CACNA2D2: variants seen among roughly 807,000 people sequenced by gnomAD.
CACNA2D2 encodes the protein calcium voltage-gated channel auxiliary subunit alpha2delta 2.
Under a neutral mutation model 166.4 loss-of-function variants are expected in CACNA2D2, and 48 were observed. That is an observed-to-expected ratio of 0.29 (90% CI 0.23 to 0.37). CACNA2D2 has a LOEUF of 0.37. CACNA2D2 is among the 10% of genes least tolerant of loss of function. The pLI, the probability that CACNA2D2 is intolerant of heterozygous loss-of-function variation, is 1.00. For synonymous variants in CACNA2D2, 561 were observed against 573.7 expected, an observed-to-expected ratio of 0.98 and a Z score of 0.32; for missense variants, 1,122 against 1,433.0, an observed-to-expected ratio of 0.78 and a Z score of 3.50.
intron 2 of CACNA2D2, among the ~76,000 whole-genome samples, chr3:50,462,599 G>A (rs959119151): frequency 6.6e-6 from 1 of 151,940 alleles, no homozygotes; most frequent in Non-Finnish European, 1.5e-5. Flanking sequence ...ACAAAAGGGC[G>A]AGGGATGGGC....
chr3:50,461,044 G>C (rs7649603), intron 2 of CACNA2D2, among the ~76,000 whole-genome samples: 14,736 of 148,544 alleles, frequency 0.099, 2,095 homozygotes, highest in African/African-American at 0.32. Flanking sequence ...TGAGAAGGGA[G>C]GAAACAGTCA....
intron 22 of CACNA2D2, among the ~76,000 whole-genome samples, chr3:50,370,630 G>C (rs1166556206): frequency 6.6e-6 from 1 of 152,132 alleles, no homozygotes; most frequent in Non-Finnish European, 1.5e-5. Context: ...GCCCGGGCCT[G>C]GTCCTCTGTC....
chr3:50,387,657 G>C (rs780762676), intron 4 of CACNA2D2, 45 bp from the exon 5 acceptor site: 1 of 1,495,314 alleles, frequency 6.7e-7, no homozygotes, highest in Admixed American at 1.7e-5. Context: ...TCAGGGTCCC[G>C]AGACAGACAG....
intron 6 of CACNA2D2, among the ~76,000 whole-genome samples, chr3:50,382,023 A>ACAC (rs1559894140): frequency 8.6e-4 from 101 of 117,270 alleles, no homozygotes; most frequent in African/African-American, 4.0e-3. Context: ...CACACACACA[A>ACAC]ACAAGGCTCC....
intron 2 of CACNA2D2, among the ~76,000 whole-genome samples, chr3:50,470,024 G>T (rs1709996420): frequency 6.6e-6 from 1 of 152,152 alleles, no homozygotes; most frequent in South Asian, 2.1e-4. Flanking sequence ...CCACAGACCT[G>T]CCCCTCTGTG....
intron 6 of CACNA2D2, 98 bp from the exon 7 acceptor site, chr3:50,381,224 C>T (rs960085822): frequency 7.0e-7 from 1 of 1,423,458 alleles, no homozygotes; most frequent in African/African-American, 1.4e-5. Flanking sequence ...TTTAGAATCC[C>T]CCAACTGTTC....
intron 3 of CACNA2D2, among the ~76,000 whole-genome samples, chr3:50,401,859 C>T (rs749413667): frequency 1.3e-4 from 20 of 152,028 alleles, no homozygotes; most frequent in Non-Finnish European, 2.4e-4. Context: ...CCCACCACCA[C>T]GCTTGGATAA....
At chr3:50,442,436 C>T (rs1246060756) in intron 2 of CACNA2D2, among the ~76,000 whole-genome samples, 1 of 152,218 alleles carries the variant, frequency 6.6e-6, no homozygotes. Flanking sequence ...GCCCCTGCCT[C>T]TGAGCTCCCA....
At chr3:50,386,574 CGTCT>C (rs2106698277) in intron 5 of CACNA2D2, among the ~76,000 whole-genome samples, 1 of 152,338 alleles carries the variant, frequency 6.6e-6, no homozygotes, top group Non-Finnish European at 1.5e-5. Context: ...CACCCCGCTC[CGTCT>C]CGGGCCCTGT....
intron 2 of CACNA2D2, among the ~76,000 whole-genome samples, chr3:50,468,755 C>A (rs1466736450): frequency 1.1e-4 from 16 of 151,982 alleles, no homozygotes; most frequent in Admixed American, 1.0e-3. Context: ...CCATTCCCAA[C>A]GCCAACATCT....
intron 6 of CACNA2D2, 72 bp from the exon 7 acceptor site, chr3:50,381,198 C>G (rs981672793): frequency 1.3e-6 from 2 of 1,534,560 alleles, no homozygotes; most frequent in Non-Finnish European, 1.8e-6. Context: ...CCACGACACT[C>G]ATGCCTGTGC....
intron 2 of CACNA2D2, among the ~76,000 whole-genome samples, chr3:50,453,973 G>A (rs954298785): frequency 2.0e-5 from 3 of 152,072 alleles, no homozygotes; most frequent in Non-Finnish European, 2.9e-5. Flanking sequence ...CCCTGCCCCC[G>A]CCTCACGGAG....
chr3:50,387,490 G>T, intron 5 of CACNA2D2, 78 bp downstream of exon 5: 1 of 1,192,618 alleles, frequency 8.4e-7, no homozygotes, highest in Non-Finnish European at 1.2e-6. Flanking sequence ...AATGTGTGGC[G>T]CTGAGTCCTA....
At chr3:50,378,430 G>C in intron 13 of CACNA2D2, 97 bp from the exon 14 acceptor site, 1 of 1,207,508 alleles carries the variant, frequency 8.3e-7, no homozygotes, top group Non-Finnish European at 1.2e-6. Flanking sequence ...GCCCTGCCTC[G>C]CCTCTTGGGC....
chr3:50,455,691 C>T (rs2106978800), intron 2 of CACNA2D2, among the ~76,000 whole-genome samples: 1 of 152,300 alleles, frequency 6.6e-6, no homozygotes, highest in East Asian at 1.9e-4. Flanking sequence ...TCCCCACAGC[C>T]CCCAGATGGT....
Position 50,380,835 on chromosome 3 carries a change from G to C in CACNA2D2, c.785-30C>G. ...GGGAGGAGAGAAGGTGAGGGGGACTGGCAGGAAAGGGCTGGCCTGGGTAGG... is the reference window on the plus strand; with the variant it reads ...GGGAGGAGAGAAGGTGAGGGGGACTCGCAGGAAAGGGCTGGCCTGGGTAGG... On this transcript the variant is annotated intron_variant, in intron 7 of 37. Transcript: ENST00000424201. The surrounding 1 kb of genome is among the most constrained non-coding windows in gnomAD (Gnocchi z 4.9). 1 of 1,537,386 alleles carries C rather than the reference G, an allele frequency of 6.5e-7. No individual in the cohort carries two copies.
At chr3:50,385,828 G>A (rs779253595) in intron 5 of CACNA2D2, among the ~76,000 whole-genome samples, 14 of 152,226 alleles carry the variant, frequency 9.2e-5, no homozygotes, top group Non-Finnish European at 2.1e-4. Context: ...GGGGAGGCGC[G>A]GGAGAAGAAA....
chr3:50,479,168 T>C (rs60697422), intron 1 of CACNA2D2, among the ~76,000 whole-genome samples: 15,671 of 152,192 alleles, frequency 0.1, 2,370 homozygotes, highest in African/African-American at 0.33. Context: ...TCACTCTCCC[T>C]CCCTCCTTGT....
rs587748827 is a variant in CACNA2D2 at position 50,367,989 on chromosome 3, G to A, written c.2144-87C>T. The A allele has an allele frequency of 5.5e-5, 66 of 1,201,180 alleles. No homozygotes were observed. Among genetic ancestry groups the A allele is most frequent in the Non-Finnish European group, 1.2e-5 (10 of 816,928 alleles). The allele number at this position is 1,201,180 out of a possible 1,614,324, so 74.4% of individuals were successfully genotyped here. On this transcript the variant is annotated intron_variant, in intron 24 of 37. Transcript: ENST00000424201. This position sits in a 1 kb window ranked among gnomAD's most constrained non-coding sequence, Gnocchi z 6.5. The stretch of plus-strand genomic sequence containing the variant: ...ACCCCCACCCTTAAGGCTCCACCAG[G>A]AGCCTCCTCCATGACCTGGCCCTGG...
Sources: gnomAD v4.1 joint callset for allele counts (sites outside exome capture counted in the v4.1 genomes callset) on GRCh38, gnomAD v4.1.1 for gene constraint, Gnocchi (gnomAD v3.1) non-coding constraint, MANE v1.5 for transcripts, NCBI Gene and HGNC (gene_info 2026-07-23, HGNC 2026-07-21) for gene names.